Variants in ABCC6 observed in about 807,000 individuals in gnomAD.
The protein encoded by ABCC6 is ATP binding cassette subfamily C member 6.
ABCC6 carries 126 observed loss-of-function variants against 169.5 expected under a neutral mutation model. That is an observed-to-expected ratio of 0.74 (90% confidence interval 0.64 to 0.86). The LOEUF is 0.86. Ranked by LOEUF, ABCC6 falls within the 40% of genes least tolerant of loss-of-function variation. ABCC6 has a pLI of 0.00. For missense variants in ABCC6, 1,733 were observed against 1,927.2 expected (o/e 0.90, Z 1.89); for synonymous variants, 752 against 814.7 (o/e 0.92, Z 1.31).
intron 9 of ABCC6, among the ~76,000 whole-genome samples, chr16:16,198,867 A>G (rs761884853): frequency 2.5e-4 from 38 of 152,026 alleles, no homozygotes; most frequent in Non-Finnish European, 4.1e-4. Flanking sequence ...GGTGGCAGGC[A>G]CCTGTAATCC....
chr16:16,152,694 C>T (rs1234167382), intron 29 of ABCC6, among the ~76,000 whole-genome samples: 1 of 141,520 alleles, frequency 7.1e-6, no homozygotes, highest in African/African-American at 2.7e-5. Flanking sequence ...TGCCTAAGAT[C>T]CTACAGCTAG....
At chr16:16,213,014 T>C (rs1048404744) in intron 5 of ABCC6, among the ~76,000 whole-genome samples, 7 of 152,166 alleles carry the variant, frequency 4.6e-5, no homozygotes, top group South Asian at 4.1e-4. Flanking sequence ...TTTTAAATTT[T>C]GTTGCTACTC....
chr16:16,183,128 C>T (rs959400057), intron 15 of ABCC6, among the ~76,000 whole-genome samples, 198 bp from the exon 16 acceptor site: 3 of 152,194 alleles, frequency 2.0e-5, no homozygotes, highest in Non-Finnish European at 4.4e-5. Flanking sequence ...CACATGCACA[C>T]AAAGCGTGCA....
chr16:16,158,414 C>T (rs373743678), intron 26 of ABCC6, among the ~76,000 whole-genome samples: 6 of 149,590 alleles, frequency 4.0e-5, no homozygotes, highest in African/African-American at 1.5e-4. Flanking sequence ...CCTTTATCCA[C>T]CCCATCCCAC....
At position 16,203,601 on chromosome 16, in the gene ABCC6, T is replaced by C; in HGVS notation, c.807A>G (p.Ala269=). 6.2e-7 allele frequency: 1 copy of C among 1,614,046 alleles called. No individual in the cohort carries two copies. The highest frequency in any genetic ancestry group is 8.5e-7 in the Non-Finnish European group (1 of 1,179,876). The change falls in exon 8 of 31, where the codon GCA becomes GCG. Residue 269 remains alanine, a synonymous_variant. Coordinates refer to ENST00000205557, the MANE Select transcript of ABCC6 (RefSeq NM_001171.6). The stretch of plus-strand genomic sequence containing the variant: ...TGCCGCCTTTCCTTTTAAATGCTAT[T>C]GCCTTGTTGTGCCTGAGGGGAAGGG... The part of the protein sequence containing the change: ...NRSAARRHNK[A]IAFKRKGGSG...
At chr16:16,204,134 G>A (rs1255303794) in intron 7 of ABCC6, among the ~76,000 whole-genome samples, 1 of 151,888 alleles carries the variant, frequency 6.6e-6, no homozygotes, top group African/African-American at 2.4e-5. Context: ...TCAGCTCACG[G>A]CAACCTCCAC....
At chr16:16,221,963 C>T in intron 1 of ABCC6, 132 bp from the exon 2 acceptor site, 1 of 1,379,630 alleles carries the variant, frequency 7.2e-7, no homozygotes, top group East Asian at 2.4e-5. Flanking sequence ...TTTGGAATAC[C>T]TACTAATTCT....
At chr16:16,187,642 C>T (rs928006235) in intron 13 of ABCC6, among the ~76,000 whole-genome samples, 6 of 152,178 alleles carry the variant, frequency 3.9e-5, no homozygotes, top group Non-Finnish European at 7.3e-5. Flanking sequence ...TGCCGGTAAT[C>T]CCAGCACTTT....
intron 29 of ABCC6, 70 bp downstream of exon 29, chr16:16,154,558 C>T: frequency 6.3e-7 from 1 of 1,595,764 alleles, no homozygotes; most frequent in Non-Finnish European, 8.6e-7. Flanking sequence ...TTCCTGAAGG[C>T]CCTTGGGGAG....
At chr16:16,168,728 G>A (rs2046961352) in intron 22 of ABCC6, among the ~76,000 whole-genome samples, 1 of 152,086 alleles carries the variant, frequency 6.6e-6, no homozygotes, top group Admixed American at 6.6e-5. Context: ...CAGGGGATAC[G>A]ACTGCACAGA....
chr16:16,186,246 G>A lies in ABCC6; in HGVS notation c.1867+878C>T, dbSNP rs560104693. Among the ~76,000 whole-genome samples the A allele has an allele frequency of 2.5e-4, 38 of 152,278 alleles. No individual in the cohort carries two copies. The South Asian group carries it at 4.8e-3, about 19-fold the overall frequency. ...TAACTTGAGCTTGGTAAGTCTCATC[G>A]TGCAATGGTGCTTGAAATGCTGCTA... On this transcript the variant is annotated intron_variant, in intron 14 of 30. Coordinates refer to ENST00000205557, the MANE Select transcript of ABCC6 (RefSeq NM_001171.6).
intron 4 of ABCC6, 79 bp from the exon 5 acceptor site, chr16:16,214,528 G>C: frequency 6.5e-7 from 1 of 1,549,882 alleles, no homozygotes; most frequent in South Asian, 1.2e-5. Context: ...CTGATCTTGG[G>C]TCAGTGCCCA....
intron 18 of ABCC6, 113 bp downstream of exon 18, chr16:16,178,685 G>A: frequency 8.1e-7 from 1 of 1,237,020 alleles, no homozygotes; most frequent in Non-Finnish European, 1.2e-6. Context: ...AATACAAAGA[G>A]GAAATTGGAC....
At chr16:16,159,904 C>T (rs2046661354) in intron 25 of ABCC6, among the ~76,000 whole-genome samples, 1 of 152,152 alleles carries the variant, frequency 6.6e-6, no homozygotes, top group African/African-American at 2.4e-5. Context: ...CACAGCAGGA[C>T]CCAGGCCCAC....
At chr16:16,171,198 G>A (rs1335087952) in intron 21 of ABCC6, among the ~76,000 whole-genome samples, 1 of 151,858 alleles carries the variant, frequency 6.6e-6, no homozygotes, top group Non-Finnish European at 1.5e-5. Context: ...CCATGGTAGG[G>A]TTTCTCAGTG....
intron 29 of ABCC6, among the ~76,000 whole-genome samples, chr16:16,152,539 C>T (rs2046417594): frequency 1.3e-5 from 2 of 152,064 alleles, no homozygotes. Context: ...AGGAGTGTGA[C>T]TCAGGACTAA....
At position 16,197,984 on chromosome 16, in the gene ABCC6, G is replaced by T. The variant is rs769481938; in HGVS notation, c.1338+37C>A. On this transcript the variant is annotated intron_variant, in intron 10 of 30. Transcript: ENST00000205557. ...GGAGGGGGAGAAGGAGGGGGTGGGG[G>T]ACTCCGTTCAAATCCCGTCTTCCTC... The T allele has an allele frequency of 1.2e-5, 19 of 1,594,062 alleles. No individual in the cohort carries two copies. In the Admixed American group the frequency reaches 1.9e-4, roughly 16 times the overall value.
intron 11 of ABCC6, among the ~76,000 whole-genome samples, chr16:16,191,368 G>A (rs903187044): frequency 2.0e-5 from 3 of 151,870 alleles, no homozygotes; most frequent in Non-Finnish European, 2.9e-5. Context: ...TGCCTGCCTC[G>A]GCCTCCCAAA....
intron 12 of ABCC6, 26 bp from the exon 13 acceptor site, chr16:16,189,000 G>A: frequency 1.9e-6 from 3 of 1,612,650 alleles, no homozygotes; most frequent in Non-Finnish European, 2.5e-6. Context: ...GACACGTGGG[G>A]CAACAGTGAG....
Sources: gnomAD v4.1 joint callset for allele counts (sites outside exome capture counted in the v4.1 genomes callset) on GRCh38, gnomAD v4.1.1 for gene constraint, MANE v1.5 for transcripts, NCBI Gene and HGNC (gene_info 2026-07-23, HGNC 2026-07-21) for gene names.